The following CTBP2 variants were observed in gnomAD, a reference collection of about 807,000 sequenced individuals.
The protein encoded by CTBP2 is C-terminal binding protein 2.
Under a neutral mutation model 80.3 loss-of-function variants are expected in CTBP2, and 30 were observed. That is an observed-to-expected ratio of 0.37 (90% confidence interval 0.28 to 0.51). The LOEUF is 0.51. CTBP2 is among the 20% of genes least tolerant of loss of function. The probability of loss-of-function intolerance (pLI) is 0.93; values close to 1 mark genes in which losing one functional copy is unlikely to be tolerated. For missense variants in CTBP2, 1,212 were observed against 1,375.3 expected, an observed-to-expected ratio of 0.88 and a Z score of 1.88; for synonymous variants, 594 against 587.4, an observed-to-expected ratio of 1.01 and a Z score of -0.16.
intron 5 of CTBP2, 141 bp from the exon 8 acceptor site, chr10:124,994,126 T>G: frequency 8.7e-7 from 1 of 1,147,446 alleles, no homozygotes; most frequent in East Asian, 2.5e-5. Flanking sequence ...GGGAAGGGAG[T>G]GGGAAGTGTT....
chr10:125,014,038 G>A (rs907036954), intron 1 of CTBP2, among the ~76,000 whole-genome samples: 1 of 152,160 alleles, frequency 6.6e-6, no homozygotes, highest in Non-Finnish European at 1.5e-5. Flanking sequence ...TTCCCACCCG[G>A]GTGTCTCTCT....
chr10:125,161,754 G>A (rs1458215781), upstream of CTBP2, among the ~76,000 whole-genome samples: 2 of 152,006 alleles, frequency 1.3e-5, no homozygotes, highest in African/African-American at 2.4e-5. Flanking sequence ...CCTGGATCTC[G>A]CCGGGGCATT....
At chr10:125,032,054 G>GAA (rs954723571), upstream of CTBP2, among the ~76,000 whole-genome samples, 2 of 143,422 alleles carry the variant, frequency 1.4e-5, no homozygotes, top group East Asian at 2.0e-4. Context: ...GGTTTCAAAA[G>GAA]AAAAAAAAAA....
rs1448252997 is a variant in CTBP2, at chr10:125,058,531, C to T, written c.-101-19376G>A. Among the ~76,000 whole-genome samples the T allele has an allele frequency of 2.0e-5, 3 of 152,214 alleles. No homozygotes were observed. In the East Asian group the frequency reaches 5.8e-4, roughly 29 times the overall value. On this transcript the variant is annotated intron_variant, in intron 2 of 10. Transcript: ENST00000337195. The stretch of plus-strand genomic sequence containing the variant: ...CCACGGCCGGGCGCGGTGGCTTACA[C>T]CTGTAATCCCAGCACTTTGGGAGGC...
chr10:124,999,975 C>G (rs1954222594), intron 3 of CTBP2: 1 of 152,266 alleles, frequency 6.6e-6, no homozygotes, highest in East Asian at 1.9e-4. Context: ...AGCAGCACCT[C>G]CTCCTAGGAG....
chr10:125,047,471 C>T (rs1298294224), intron 2 of CTBP2, among the ~76,000 whole-genome samples: 1 of 152,188 alleles, frequency 6.6e-6, no homozygotes, highest in Non-Finnish European at 1.5e-5. Context: ...AGAAACTGGG[C>T]ACACACAATA....
intron 2 of CTBP2, among the ~76,000 whole-genome samples, chr10:125,106,753 G>A (rs1851522362): frequency 6.6e-6 from 1 of 152,210 alleles, no homozygotes; most frequent in Admixed American, 6.5e-5. Context: ...GGTCACAGTG[G>A]GAAAATTCAG....
At chr10:125,140,583 G>A (rs1228783501) in intron 1 of CTBP2, among the ~76,000 whole-genome samples, 2 of 152,212 alleles carry the variant, frequency 1.3e-5, no homozygotes, top group East Asian at 3.8e-4. Flanking sequence ...AGCACTTTGG[G>A]AGGCCAAGGT....
intron 1 of CTBP2, among the ~76,000 whole-genome samples, chr10:125,019,106 G>A (rs1956800828): frequency 6.6e-6 from 1 of 152,188 alleles, no homozygotes; most frequent in Admixed American, 6.5e-5. Context: ...GTACCTTCCT[G>A]TTCCTTCAGC....
Position 125,027,095 on chromosome 10 carries a change from G to T in CTBP2, c.665C>A (p.Ala222Asp), listed in dbSNP as rs375455214. 6.2e-6 allele frequency: 10 copies of T among 1,611,256 alleles called. No homozygotes were observed. In the South Asian group the frequency reaches 9.9e-5, roughly 16 times the overall value. The stretch of plus-strand genomic sequence containing the variant: ...CGTCGGGGCCACCTGTCTGGCAGGG[G>T]CAGGGTCAATGGGTCTTTCGCTGAT... The change falls in exon 1 of 9, where the codon GCC becomes GAC. Residue 222 changes from alanine to aspartate, a missense_variant. This residue lies in a region of CTBP2 where 848 missense variants were observed against 782.3 expected (regional missense o/e 1.08). Transcript: ENST00000309035.
intron 2 of CTBP2, among the ~76,000 whole-genome samples, chr10:125,071,264 G>A (rs542277543): frequency 2.0e-5 from 3 of 152,246 alleles, no homozygotes; most frequent in Admixed American, 6.5e-5. Context: ...AAGAACATGA[G>A]AGCCTGGTTG....
upstream of CTBP2, chr10:125,161,154 T>C (rs1321364682): frequency 1.4e-5 from 2 of 147,702 alleles, no homozygotes; most frequent in African/African-American, 2.5e-5. Flanking sequence ...CAGATACTCC[T>C]CACTACAAAT....
At chr10:125,072,396 C>G (rs1240504634) in intron 2 of CTBP2, among the ~76,000 whole-genome samples, 1 of 152,170 alleles carries the variant, frequency 6.6e-6, no homozygotes, top group Non-Finnish European at 1.5e-5. Context: ...GGGTGAATTA[C>G]CTGAGGTCAG....
At chr10:125,094,421 T>A (rs1152678) in intron 2 of CTBP2, among the ~76,000 whole-genome samples, 34,572 of 151,962 alleles carry the variant, frequency 0.23, 5,227 homozygotes, top group African/African-American at 0.42. Context: ...ACGGACGCAA[T>A]CGCTAGAACA....
At chr10:125,107,005 T>C (rs1851562557) in intron 2 of CTBP2, among the ~76,000 whole-genome samples, 1 of 152,192 alleles carries the variant, frequency 6.6e-6, no homozygotes, top group South Asian at 2.1e-4. Context: ...GCTGAGATGC[T>C]CAGGAGAGAA....
At chr10:124,997,884 G>A (rs1953851254) in intron 4 of CTBP2, 80 bp downstream of exon 6, 1 of 1,458,880 alleles carries the variant, frequency 6.9e-7, no homozygotes, top group South Asian at 1.3e-5. Flanking sequence ...GCAGGCTGGG[G>A]TTGCCTTTCC....
chr10:125,128,820 CA>C (rs1855685250), intron 1 of CTBP2, among the ~76,000 whole-genome samples: 1 of 152,226 alleles, frequency 6.6e-6, no homozygotes, highest in South Asian at 2.1e-4. Flanking sequence ...GAAATGAAAT[CA>C]TATGTCCACA....
intron 2 of CTBP2, among the ~76,000 whole-genome samples, chr10:125,040,719 C>T (rs1002874378): frequency 3.3e-5 from 5 of 151,920 alleles, no homozygotes; most frequent in Non-Finnish European, 5.9e-5. Context: ...TAATGATGTA[C>T]GGTCATCAGT....
In CTBP2 at chr10:125,026,920, G is replaced by A. The variant is rs1002279888; in HGVS notation, c.840C>T (p.Phe280=). 7 of 1,613,982 alleles carry A rather than the reference G, an allele frequency of 4.3e-6. No individual in the cohort carries two copies. In the African/African-American group the frequency reaches 6.7e-5, roughly 15 times the overall value. The change falls in exon 1 of 9, where the codon TTC becomes TTT. Residue 280 remains phenylalanine, a synonymous_variant. Transcript: ENST00000309035. ...CGGTCCTCTTGCCACCAGGACCCTG[G>A]AAGGTGGACAGGTCAGCTTCGTAAG...
Sources: allele counts gnomAD v4.1 joint callset (sites outside exome capture counted in the v4.1 genomes callset), GRCh38; gene constraint gnomAD v4.1.1; regional missense constraint gnomAD v4.1.1; transcripts MANE v1.5; gene names NCBI Gene and HGNC (gene_info 2026-07-23, HGNC 2026-07-21).